The following PDE3B variants were observed in gnomAD, a reference collection of about 807,000 sequenced individuals.
The protein encoded by PDE3B is cGMP-inhibited 3',5'-cyclic phosphodiesterase 3B.
A neutral mutation model predicts 116.8 loss-of-function variants in PDE3B; 66 were observed. The ratio of observed to expected loss-of-function variants is 0.56; its 90% CI spans 0.46 to 0.69. The LOEUF (loss-of-function observed/expected upper bound fraction) is 0.69. Among genes scored for constraint, PDE3B ranks in the 30% least tolerant of loss-of-function variants. The pLI, the probability that PDE3B is intolerant of heterozygous loss-of-function variation, is 0.00. For synonymous variants in PDE3B, 595 were observed against 533.6 expected, an observed-to-expected ratio of 1.12 and a Z score of -1.59; for missense variants, 1,384 against 1,368.1, an observed-to-expected ratio of 1.01 and a Z score of -0.18.
intron 1 of PDE3B, chr11:14,673,633 C>A: frequency 3.0e-6 from 2 of 665,210 alleles, no homozygotes; most frequent in South Asian, 2.8e-5. Context: ...TAATCTCTGG[C>A]ACTAAACAAA....
intron 4 of PDE3B, among the ~76,000 whole-genome samples, chr11:14,802,948 A>G (rs1431456682): frequency 6.6e-6 from 1 of 152,216 alleles, no homozygotes; most frequent in Non-Finnish European, 1.5e-5. Flanking sequence ...TCTTTTTCCA[A>G]TTTAAAAGAA....
At chr11:14,731,333 AC>A (rs1166006528) in intron 1 of PDE3B, among the ~76,000 whole-genome samples, 1 of 142,432 alleles carries the variant, frequency 7.0e-6, no homozygotes, top group Non-Finnish European at 1.5e-5. Context: ...ATCTCGGCTC[AC>A]TGCAAGTTCC....
At chr11:14,877,202 C>T in the PDE3B span, among the ~76,000 whole-genome samples, 1 of 152,090 alleles carries the variant, frequency 6.6e-6, no homozygotes, top group African/African-American at 2.4e-5. Context: ...GTTGTCCTGA[C>T]ATAATTATGA....
intron 1 of PDE3B, among the ~76,000 whole-genome samples, chr11:14,652,945 T>C (rs1853609334): frequency 6.6e-6 from 1 of 152,264 alleles, no homozygotes; most frequent in South Asian, 2.1e-4. Context: ...TGTATATTAA[T>C]TTATTTCAGC....
At chr11:14,885,341 A>T in the PDE3B span, among the ~76,000 whole-genome samples, 1 of 152,120 alleles carries the variant, frequency 6.6e-6, no homozygotes, top group South Asian at 2.1e-4. Flanking sequence ...CAAACCATGC[A>T]ACTCTATACT....
intron 2 of PDE3B, among the ~76,000 whole-genome samples, chr11:14,783,153 T>G (rs923374878): frequency 7.2e-5 from 11 of 152,366 alleles, no homozygotes; most frequent in Non-Finnish European, 1.3e-4. Flanking sequence ...ACTTTTACAC[T>G]GTTGGTGGGA....
intron 14 of PDE3B, 76 bp downstream of exon 14, chr11:14,861,442 C>T (rs1847948978): frequency 7.6e-7 from 1 of 1,317,674 alleles, no homozygotes; most frequent in Admixed American, 1.9e-5. Flanking sequence ...TTTTGGATAG[C>T]TTTATTAAGT....
At chr11:14,791,449 C>T (rs1375826831) in intron 4 of PDE3B, among the ~76,000 whole-genome samples, 1 of 152,088 alleles carries the variant, frequency 6.6e-6, no homozygotes, top group African/African-American at 2.4e-5. Context: ...CACAATGCTG[C>T]TATCCTCTAG....
chr11:14,897,442 A>G, the PDE3B span, among the ~76,000 whole-genome samples: 2 of 152,270 alleles, frequency 1.3e-5, no homozygotes, highest in African/African-American at 4.8e-5. Context: ...CTGAACCCCA[A>G]ACAATTTTTA....
rs1425447801 is a variant in PDE3B at position 14,807,757 on chromosome 11, A to G, written c.1522+3707A>G. Among the ~76,000 whole-genome samples, 4 of 152,238 alleles carry G rather than the reference A, an allele frequency of 2.6e-5. No homozygotes were observed. The East Asian group carries it at 7.7e-4, about 29-fold the overall frequency. On this transcript the variant is annotated intron_variant, in intron 5 of 15. Transcript: ENST00000282096. ...GGACTTTACGCTCCAATTAAAAGAC[A>G]AAGATTAGGCTGGGCACTGTGACTC...
intron 5 of PDE3B, among the ~76,000 whole-genome samples, chr11:14,808,229 A>G (rs1175742352): frequency 6.6e-6 from 1 of 152,214 alleles, no homozygotes; most frequent in East Asian, 1.9e-4. Flanking sequence ...GAGAAACAGA[A>G]ACTACACAAT....
chr11:14,808,713 T>C (rs1859029759), intron 5 of PDE3B, among the ~76,000 whole-genome samples: 1 of 152,216 alleles, frequency 6.6e-6, no homozygotes, highest in Non-Finnish European at 1.5e-5. Flanking sequence ...CAATTTTATT[T>C]CTATATGCTA....
At chr11:14,654,916 A>AT (rs1366775969) in intron 1 of PDE3B, among the ~76,000 whole-genome samples, 4 of 151,048 alleles carry the variant, frequency 2.6e-5, no homozygotes, top group African/African-American at 7.3e-5. Flanking sequence ...GAGGGAAAAA[A>AT]GGAGACCAAA....
chr11:14,862,282 T>C (rs1010206885), intron 14 of PDE3B, among the ~76,000 whole-genome samples: 1 of 152,206 alleles, frequency 6.6e-6, no homozygotes, highest in Non-Finnish European at 1.5e-5. Context: ...CATGTCTGCC[T>C]GACTACTTTC....
the PDE3B span, among the ~76,000 whole-genome samples, chr11:14,892,761 TTG>T: frequency 6.6e-6 from 1 of 152,222 alleles, no homozygotes; most frequent in Admixed American, 6.5e-5. Flanking sequence ...TAATGTATTT[TTG>T]TGTGTGATCT....
At chr11:14,762,383 T>G (rs16930520) in intron 1 of PDE3B, among the ~76,000 whole-genome samples, 2,723 of 152,310 alleles carry the variant, frequency 0.018, 81 homozygotes, top group African/African-American at 0.063. Context: ...TAGATAATAG[T>G]GTTGTACTGT....
At chr11:14,721,165 C>T (rs1315764489) in intron 1 of PDE3B, among the ~76,000 whole-genome samples, 1 of 151,858 alleles carries the variant, frequency 6.6e-6, no homozygotes, top group African/African-American at 2.4e-5. Flanking sequence ...CCAAAAAATA[C>T]ATGAAAAAAT....
chr11:14,722,965 C>A (rs544169447), intron 1 of PDE3B, among the ~76,000 whole-genome samples: 6 of 152,096 alleles, frequency 3.9e-5, no homozygotes, highest in Non-Finnish European at 8.8e-5. Context: ...ACATTTATAG[C>A]CTTATATGTT....
intron 1 of PDE3B, among the ~76,000 whole-genome samples, chr11:14,659,413 A>T (rs934616596): frequency 7.2e-5 from 11 of 152,228 alleles, no homozygotes; most frequent in Non-Finnish European, 1.6e-4. Context: ...CTTCATTTTT[A>T]ACATAAATTT....
Sources: allele counts gnomAD v4.1 joint callset (sites outside exome capture counted in the v4.1 genomes callset), GRCh38; gene constraint gnomAD v4.1.1; transcripts MANE v1.5; gene names NCBI Gene and HGNC (gene_info 2026-07-23, HGNC 2026-07-21).